Variants in NCKAP1L observed in about 807,000 individuals in gnomAD.
The protein encoded by NCKAP1L is NCK associated protein 1 like, also known as nck-associated protein 1-like.
Under a neutral mutation model 139.2 loss-of-function variants are expected in NCKAP1L, and 53 were observed. The ratio of observed to expected loss-of-function variants is 0.38; its 90% CI spans 0.31 to 0.48. The LOEUF (loss-of-function observed/expected upper bound fraction) is 0.48. Among genes scored for constraint, NCKAP1L ranks in the 20% least tolerant of loss-of-function variants. The pLI is 0.98. For synonymous variants in NCKAP1L, 468 were observed against 499.7 expected (o/e 0.94, Z 0.85); for missense variants, 1,151 against 1,381.9 (o/e 0.83, Z 2.65).
intron 3 of NCKAP1L, among the ~76,000 whole-genome samples, chr12:54,506,789 A>AT (rs1956842213): frequency 1.3e-5 from 1 of 75,594 alleles, no homozygotes; most frequent in African/African-American, 5.3e-5. Flanking sequence ...ACATATTAAA[A>AT]AAAAAAAATA....
At chr12:54,525,909 GTGGTGA>G (rs1421418040) in intron 20 of NCKAP1L, among the ~76,000 whole-genome samples, 8 of 152,172 alleles carry the variant, frequency 5.3e-5, no homozygotes, top group Non-Finnish European at 1.0e-4. Context: ...TGGGGGTCCA[GTGGTGA>G]GGGGTCTTGC....
Position 54,523,976 on chromosome 12 carries a change from C to G in NCKAP1L, c.2156+20C>G, listed in dbSNP as rs1384471972. 6.2e-7 allele frequency: 1 copy of G among 1,610,216 alleles called. No individual in the cohort carries two copies. On this transcript the variant is annotated intron_variant, in intron 20 of 30. Coordinates refer to ENST00000293373, the MANE Select transcript of NCKAP1L (RefSeq NM_005337.5). ...CAACAGGTATCACTCTTTCCTTGTC[C>G]TCTGTTTGGACAGTAGTCTTCATAC...
chr12:54,542,695 A>T lies in NCKAP1L; in HGVS notation c.*10A>T. On this transcript the variant is annotated 3_prime_UTR_variant, in exon 31 of 31. Transcript: ENST00000293373. ...CTTCCACCTAAACTGAATGCCTGCCAGTACCCACTGAAGAGCCCTTTGGAC... is the reference window on the plus strand; with the variant it reads ...CTTCCACCTAAACTGAATGCCTGCCTGTACCCACTGAAGAGCCCTTTGGAC... 6.5e-7 allele frequency: 1 copy of T among 1,536,976 alleles called. No individual in the cohort carries two copies. The highest frequency in any genetic ancestry group is 8.9e-7 in the Non-Finnish European group (1 of 1,126,122).
At chr12:54,508,032 A>T in intron 4 of NCKAP1L, 123 bp downstream of exon 4, 2 of 853,046 alleles carry the variant, frequency 2.3e-6, no homozygotes, top group Non-Finnish European at 3.9e-6. Context: ...TATTTTGTTT[A>T]TTCCTTCTCA....
chr12:54,528,857 G>A (rs929424339), intron 22 of NCKAP1L, among the ~76,000 whole-genome samples: 24 of 151,848 alleles, frequency 1.6e-4, no homozygotes, highest in African/African-American at 5.8e-4. Flanking sequence ...GGATGGTCTC[G>A]ATCTCCTGAC....
At chr12:54,520,424 G>T (rs531023402) in intron 16 of NCKAP1L, among the ~76,000 whole-genome samples, 2 of 152,188 alleles carry the variant, frequency 1.3e-5, no homozygotes, top group Non-Finnish European at 2.9e-5. Flanking sequence ...TTTGTGCAAG[G>T]AAAGGGAAGA....
chr12:54,526,977 C>A (rs543304964), intron 21 of NCKAP1L, among the ~76,000 whole-genome samples: 1 of 152,310 alleles, frequency 6.6e-6, no homozygotes, highest in Admixed American at 6.5e-5. Context: ...GCCTACCCTG[C>A]AGTTATTTGA....
chr12:54,522,743 G>C (rs1308765724), intron 18 of NCKAP1L, among the ~76,000 whole-genome samples: 2 of 152,206 alleles, frequency 1.3e-5, no homozygotes, highest in African/African-American at 4.8e-5. Flanking sequence ...GACATGCCCT[G>C]CTCATGCTCA....
chr12:54,522,765 G>A (rs747149505), intron 18 of NCKAP1L, among the ~76,000 whole-genome samples: 17 of 152,252 alleles, frequency 1.1e-4, no homozygotes, highest in Non-Finnish European at 2.1e-4. Context: ...CAGCTCTGGA[G>A]TAAATGGAGA....
intron 17 of NCKAP1L, 123 bp downstream of exon 17, chr12:54,520,949 C>A: frequency 6.8e-7 from 1 of 1,465,120 alleles, no homozygotes; most frequent in South Asian, 1.2e-5. Flanking sequence ...TGATATGAGT[C>A]CCTAAATATC....
At chr12:54,508,595 C>T in intron 5 of NCKAP1L, 64 bp downstream of exon 5, 2 of 1,518,736 alleles carry the variant, frequency 1.3e-6, no homozygotes, top group Non-Finnish European at 1.8e-6. Context: ...TAGAGAGTCC[C>T]TCATGCAAAG....
At chr12:54,514,471 A>G (rs1255846669) in intron 9 of NCKAP1L, among the ~76,000 whole-genome samples, 2 of 151,912 alleles carry the variant, frequency 1.3e-5, no homozygotes, top group Admixed American at 6.6e-5. Context: ...ACAGGCATGT[A>G]CAACCACCCC....
intron 16 of NCKAP1L, 53 bp downstream of exon 16, chr12:54,519,385 A>C: frequency 7.8e-7 from 1 of 1,282,512 alleles, no homozygotes. Flanking sequence ...TCCTTTTTTC[A>C]TTTTTTTCTC....
At chr12:54,526,367 A>G (rs1957025833) in intron 20 of NCKAP1L, among the ~76,000 whole-genome samples, 161 bp from the exon 21 acceptor site, 2 of 152,202 alleles carry the variant, frequency 1.3e-5, no homozygotes, top group Admixed American at 1.3e-4. Context: ...AAATGAGGAT[A>G]ATAACTGTCT....
rs969536446 is a variant in NCKAP1L at position 54,545,339 on chromosome 12, T to A, written c.*2654T>A. 6.6e-6 allele frequency: 1 copy of A among 152,178 alleles called. No homozygotes were observed. The highest frequency in any genetic ancestry group is 1.5e-5 in the Non-Finnish European group (1 of 68,034). 9.4% of individuals were successfully genotyped at this position (152,178 alleles called of 1,614,324 possible). A position where few individuals can be genotyped will look rare whatever the true frequency, so the allele number is the denominator to read the frequency against. ...GAAATATTAAATGACTTAATGAAGG[T>A]CACATGTTTAGCAGTAGAACTAGAA... On this transcript the variant is annotated 3_prime_UTR_variant, in exon 31 of 31. Transcript: ENST00000293373.
At chr12:54,541,019 C>T (rs1215820268) in intron 30 of NCKAP1L, among the ~76,000 whole-genome samples, 1 of 152,338 alleles carries the variant, frequency 6.6e-6, no homozygotes. Flanking sequence ...AAATTCTGAC[C>T]AGCACTTCTG....
Position 54,519,429 on chromosome 12 carries a change from A to ATTTTTT in NCKAP1L, c.1625+113_1625+118dup, listed in dbSNP as rs10686138. 4.1e-4 allele frequency: 208 copies of ATTTTTT among 501,822 alleles called. No individual in the cohort carries two copies. The East Asian group carries it at 6.2e-3, about 15-fold the overall frequency. 31.1% of individuals were successfully genotyped at this position (501,822 alleles called of 1,614,324 possible). A position where few individuals can be genotyped will look rare whatever the true frequency, so the allele number is the denominator to read the frequency against. ...CACTTACTTCAAAGAATTTTGTTTA[A>ATTTTTT]TTTTTTTTTTTTTTTTTTTTTAAAG... is the stretch of plus-strand genomic sequence containing the variant. On this transcript the variant is annotated intron_variant, in intron 16 of 30. Coordinates refer to ENST00000293373, the MANE Select transcript of NCKAP1L (RefSeq NM_005337.5).
intron 3 of NCKAP1L, among the ~76,000 whole-genome samples, chr12:54,505,012 G>A (rs1332455488): frequency 6.6e-6 from 1 of 152,212 alleles, no homozygotes; most frequent in African/African-American, 2.4e-5. Context: ...TAGCAAATGA[G>A]GAAGTATAGA....
In NCKAP1L at chr12:54,517,889, T is replaced by C. The variant is rs1313008976; in HGVS notation, c.1289T>C (p.Leu430Pro). The C allele has an allele frequency of 6.2e-7, 1 of 1,614,192 alleles. No individual in the cohort carries two copies. The highest frequency in any genetic ancestry group is 1.7e-5 in the Admixed American group (1 of 60,020). The change falls in exon 13 of 31, where the codon CTT becomes CCT. Residue 430 changes from leucine (L) to proline (P), a missense_variant. Transcript: ENST00000293373. Reference sequence around the variant, plus strand: ...ATCAAAGTGATACAGCAATACCACCTTCAGTACTTGGCAAGATTTGATGCT... The same window carrying C: ...ATCAAAGTGATACAGCAATACCACCCTCAGTACTTGGCAAGATTTGATGCT... ...RHIKVIQQYH[L>P]QYLARFDALV...
Sources: allele counts gnomAD v4.1 joint callset (sites outside exome capture counted in the v4.1 genomes callset), GRCh38; gene constraint gnomAD v4.1.1; transcripts MANE v1.5; gene names NCBI Gene and HGNC (gene_info 2026-07-23, HGNC 2026-07-21).